Variants in ARFIP1 observed in about 807,000 individuals in gnomAD.
ARFIP1 encodes arfaptin-1.
ARFIP1 carries 24 observed loss-of-function variants against 42.5 expected under a neutral mutation model. The observed-to-expected ratio is 0.57, with a 90% CI of 0.41 to 0.80. ARFIP1 has a LOEUF of 0.80. Among genes scored for constraint, ARFIP1 ranks in the 30% least tolerant of loss-of-function variants. The probability of loss-of-function intolerance (pLI) is 0.00; values close to 1 mark genes in which losing one functional copy is unlikely to be tolerated. For missense variants in ARFIP1, 354 were observed against 434.0 expected, an observed-to-expected ratio of 0.82 and a Z score of 1.64; for synonymous variants, 141 against 153.7, an observed-to-expected ratio of 0.92 and a Z score of 0.61.
At chr4:152,813,381 G>A (rs1729623198) in intron 1 of ARFIP1, among the ~76,000 whole-genome samples, 1 of 151,980 alleles carries the variant, frequency 6.6e-6, no homozygotes, top group African/African-American at 2.4e-5. Flanking sequence ...GACTCCTCTT[G>A]CTTTCTTATT....
intron 1 of ARFIP1, among the ~76,000 whole-genome samples, chr4:152,822,920 A>C (rs1730507518): frequency 6.6e-6 from 1 of 151,582 alleles, no homozygotes; most frequent in Non-Finnish European, 1.5e-5. Flanking sequence ...CAGTGCTAAC[A>C]AATGTGCTAA....
chr4:152,889,855 A>AGT (rs1346024318), intron 8 of ARFIP1, among the ~76,000 whole-genome samples: 5 of 127,056 alleles, frequency 3.9e-5, no homozygotes, highest in East Asian at 2.1e-4. Flanking sequence ...TACTATATAT[A>AGT]CTATATATAC....
At chr4:152,872,592 T>C (rs779013150) in intron 5 of ARFIP1, 28 bp downstream of exon 5, 1 of 1,345,404 alleles carries the variant, frequency 7.4e-7, no homozygotes, top group East Asian at 2.5e-5. Flanking sequence ...GTTTCCACCC[T>C]AAATGGCTCT....
chr4:152,798,779 G>GT (rs1731627986), intron 1 of ARFIP1, among the ~76,000 whole-genome samples: 1 of 152,144 alleles, frequency 6.6e-6, no homozygotes, highest in Admixed American at 6.5e-5. Context: ...TGGAACTAGA[G>GT]TTTACTTTTT....
At chr4:152,798,195 G>A (rs796459827) in intron 1 of ARFIP1, among the ~76,000 whole-genome samples, 9 of 152,254 alleles carry the variant, frequency 5.9e-5, no homozygotes, top group African/African-American at 1.9e-4. Context: ...CCCGGGAGGC[G>A]GAGGTTACAG....
intron 8 of ARFIP1, among the ~76,000 whole-genome samples, chr4:152,908,096 A>T (rs747654528): frequency 8.5e-5 from 13 of 152,130 alleles, no homozygotes; most frequent in Non-Finnish European, 1.8e-4. Flanking sequence ...CTATTTCCTA[A>T]TGAGACTAGA....
chr4:152,807,838 A>G (rs892405713), intron 1 of ARFIP1, among the ~76,000 whole-genome samples: 5 of 152,086 alleles, frequency 3.3e-5, no homozygotes, highest in Admixed American at 6.5e-5. Context: ...ACCCACGGTC[A>G]TGACTCCGTA....
Position 152,881,134 on chromosome 4 carries a change from C to T in ARFIP1, c.583C>T (p.Gln195Ter), listed in dbSNP as rs776995083. ...TTTCCAGATGGTACATACCCAAAGGCAACTTGGAGATGCATTTGCTGACCT... is the reference window on the plus strand; with the variant it reads ...TTTCCAGATGGTACATACCCAAAGGTAACTTGGAGATGCATTTGCTGACCT... ...QLFQMVHTQR[Q>*]LGDAFADLSL... is the part of the protein sequence containing the mutation. The change falls in exon 6 of 9, where the codon CAA (glutamine) becomes TAA (stop). Residue 195 changes from glutamine (Q) to a stop codon, truncating the protein, a stop_gained. Transcript: ENST00000353617. LOFTEE classifies it high-confidence loss of function. 6.2e-7 allele frequency: 1 copy of T among 1,613,734 alleles called. No homozygotes were observed. The highest frequency in any genetic ancestry group is 1.7e-5 in the Admixed American group (1 of 59,992).
intron 8 of ARFIP1, among the ~76,000 whole-genome samples, chr4:152,889,650 T>TA (rs1353304665): frequency 2.3e-5 from 3 of 130,352 alleles, no homozygotes; most frequent in African/African-American, 8.7e-5. Flanking sequence ...ATGCACTATA[T>TA]ATAGTATATA....
At chr4:152,799,074 C>T (rs186251185) in intron 1 of ARFIP1, among the ~76,000 whole-genome samples, 52 of 152,236 alleles carry the variant, frequency 3.4e-4, no homozygotes, top group African/African-American at 9.4e-4. Context: ...TCAGTTGACG[C>T]TCTGATCTTT....
chr4:152,889,820 CTATATATACTATATACTA>C (rs1334244646), intron 8 of ARFIP1, among the ~76,000 whole-genome samples: 7 of 105,520 alleles, frequency 6.6e-5, no homozygotes, highest in South Asian at 3.1e-4. Flanking sequence ...TATATATATA[CTATATATACTATATACTA>C]TATATATACT....
At chr4:152,849,338 T>C (rs1474364283) in intron 2 of ARFIP1, among the ~76,000 whole-genome samples, 2 of 152,210 alleles carry the variant, frequency 1.3e-5, no homozygotes, top group African/African-American at 4.8e-5. Context: ...GTTGAAGGCT[T>C]ATCTGTCTTA....
chr4:152,871,537 G>A (rs1734882778), intron 4 of ARFIP1, among the ~76,000 whole-genome samples: 2 of 151,650 alleles, frequency 1.3e-5, no homozygotes, highest in African/African-American at 4.9e-5. Flanking sequence ...CTTGTTCTCG[G>A]ACTGGTAAAG....
chr4:152,891,383 G>A (rs1736835952), intron 8 of ARFIP1, among the ~76,000 whole-genome samples: 1 of 152,164 alleles, frequency 6.6e-6, no homozygotes, highest in Admixed American at 6.5e-5. Flanking sequence ...TCTTCAAAAC[G>A]ATAAGTATTG....
At chr4:152,879,127 G>A (rs183195497) in intron 5 of ARFIP1, among the ~76,000 whole-genome samples, 2 of 151,266 alleles carry the variant, frequency 1.3e-5, no homozygotes, top group Admixed American at 6.6e-5. Context: ...TCTCTCACCC[G>A]TCCTGTTATT....
chr4:152,815,772 T>A, intron 1 of ARFIP1, among the ~76,000 whole-genome samples: 1 of 131,682 alleles, frequency 7.6e-6, no homozygotes, highest in Non-Finnish European at 1.6e-5. Context: ...TGAGACGGAG[T>A]CTCGCTCTGT....
intron 1 of ARFIP1, among the ~76,000 whole-genome samples, chr4:152,797,986 G>C (rs1005459882): frequency 2.6e-5 from 4 of 152,130 alleles, no homozygotes; most frequent in Admixed American, 2.0e-4. Context: ...GGCCGGGCGC[G>C]GTGGCTCATG....
intron 1 of ARFIP1, among the ~76,000 whole-genome samples, chr4:152,804,164 A>T (rs1169432933): frequency 2.0e-4 from 23 of 116,284 alleles, no homozygotes; most frequent in African/African-American, 4.5e-4. Context: ...TATTATATAT[A>T]ATATAACATG....
chr4:152,819,995 A>G (rs1486408173), intron 1 of ARFIP1, among the ~76,000 whole-genome samples: 2 of 152,030 alleles, frequency 1.3e-5, no homozygotes, highest in East Asian at 1.9e-4. Context: ...ACTCTTCTGT[A>G]TGTGTAACAT....
Sources: allele counts gnomAD v4.1 joint callset (sites outside exome capture counted in the v4.1 genomes callset), GRCh38; gene constraint gnomAD v4.1.1; transcripts MANE v1.5; gene names NCBI Gene and HGNC (gene_info 2026-07-23, HGNC 2026-07-21).